IPCEF1: variants seen among roughly 807,000 people sequenced by gnomAD.
IPCEF1 encodes the protein interaction protein for cytohesin exchange factors 1.
In IPCEF1, 31 loss-of-function variants were observed where a neutral mutation model predicts 50.9. That is an observed-to-expected ratio of 0.61 (90% CI 0.46 to 0.82). IPCEF1 has a LOEUF of 0.82. Among genes scored for constraint, IPCEF1 ranks in the 40% least tolerant of loss-of-function variants. IPCEF1 has a pLI of 0.00. For synonymous variants in IPCEF1, 181 were observed against 192.0 expected (o/e 0.94, Z 0.47); for missense variants, 458 against 514.0 (o/e 0.89, Z 1.05).
At chr6:154,180,414 A>ATATTTTTTTT (rs1241250621) in intron 10 of IPCEF1, among the ~76,000 whole-genome samples, 19 of 65,254 alleles carry the variant, frequency 2.9e-4, no homozygotes, top group African/African-American at 6.2e-4. Flanking sequence ...ATATATATAT[A>ATATTTTTTTT]TTTTTTTTTT....
At chr6:154,286,562 T>C (rs1043333490) in intron 2 of IPCEF1, among the ~76,000 whole-genome samples, 2 of 152,210 alleles carry the variant, frequency 1.3e-5, no homozygotes, top group Admixed American at 1.3e-4. Context: ...TAGAAAAATA[T>C]CATAATAAGC....
intron 5 of IPCEF1, among the ~76,000 whole-genome samples, chr6:154,242,755 C>T (rs1341777198): frequency 7.9e-5 from 12 of 151,974 alleles, no homozygotes; most frequent in Non-Finnish European, 1.6e-4. Flanking sequence ...GGCATGGTGG[C>T]GCACACCTGT....
At chr6:154,241,200 C>T (rs1321769727) in intron 5 of IPCEF1, among the ~76,000 whole-genome samples, 3 of 139,880 alleles carry the variant, frequency 2.1e-5, no homozygotes, top group African/African-American at 5.5e-5. Flanking sequence ...CGCGCCACTG[C>T]ACTTCAGCCT....
chr6:154,230,665 C>A (rs923132900), intron 5 of IPCEF1, among the ~76,000 whole-genome samples: 1 of 152,044 alleles, frequency 6.6e-6, no homozygotes, highest in African/African-American at 2.4e-5. Context: ...TCATGTAGTT[C>A]CTGGTTAAAA....
intron 2 of IPCEF1, among the ~76,000 whole-genome samples, chr6:154,274,705 G>T (rs1487303544): frequency 1.3e-5 from 2 of 152,126 alleles, no homozygotes; most frequent in Non-Finnish European, 2.9e-5. Context: ...ATACCTGCAG[G>T]GGCCATTAGA....
At chr6:154,311,044 A>T (rs1178562525) in intron 1 of IPCEF1, among the ~76,000 whole-genome samples, 3 of 152,208 alleles carry the variant, frequency 2.0e-5, no homozygotes, top group Non-Finnish European at 2.9e-5. Context: ...GTTGGAAGGG[A>T]ATAAATATGC....
chr6:154,212,633 T>A, intron 9 of IPCEF1, 137 bp downstream of exon 9: 1 of 620,088 alleles, frequency 1.6e-6, no homozygotes, highest in Non-Finnish European at 2.9e-6. Flanking sequence ...CCCTGAAAAT[T>A]GCACTTGCTC....
intron 5 of IPCEF1, among the ~76,000 whole-genome samples, chr6:154,236,690 C>T (rs1422256731): frequency 6.6e-6 from 1 of 152,182 alleles, no homozygotes; most frequent in African/African-American, 2.4e-5. Context: ...TTAATGAGCA[C>T]CATCTCTTTC....
In IPCEF1 at chr6:154,210,935, G is replaced by A. The variant is rs115901605; in HGVS notation, c.537+1835C>T. On this transcript the variant is annotated intron_variant, in intron 9 of 11. Transcript: ENST00000367220. Reference sequence around the variant, plus strand: ...ACTGACAGTGTGAAAAAACAGTAGAGGTCATTATTTAAATAATCAATATAA... The same window carrying A: ...ACTGACAGTGTGAAAAAACAGTAGAAGTCATTATTTAAATAATCAATATAA... 5.7e-3 allele frequency among the ~76,000 whole-genome samples: 871 copies of A among 152,120 alleles called. 3 individuals are homozygous for A. Among genetic ancestry groups the A allele is most frequent in the African/African-American group, 0.019 (778 of 41,502 alleles).
intron 9 of IPCEF1, among the ~76,000 whole-genome samples, chr6:154,206,364 G>C (rs971798461): frequency 1.3e-5 from 2 of 152,106 alleles, no homozygotes; most frequent in African/African-American, 4.8e-5. Flanking sequence ...CATTCACATG[G>C]GGAAATATTT....
intron 10 of IPCEF1, among the ~76,000 whole-genome samples, chr6:154,177,999 TG>T (rs1800494769): frequency 6.6e-6 from 1 of 152,106 alleles, no homozygotes; most frequent in Non-Finnish European, 1.5e-5. Context: ...GGGACATGGA[TG>T]AAGCTGGAAA....
intron 3 of IPCEF1, among the ~76,000 whole-genome samples, chr6:154,258,868 T>G (rs1781524882): frequency 6.6e-6 from 1 of 152,184 alleles, no homozygotes; most frequent in South Asian, 2.1e-4. Context: ...GTCCTCAAAA[T>G]CTAGCACCTA....
At chr6:154,196,887 G>C (rs983473323) in intron 10 of IPCEF1, among the ~76,000 whole-genome samples, 1 of 152,160 alleles carries the variant, frequency 6.6e-6, no homozygotes, top group African/African-American at 2.4e-5. Flanking sequence ...ATGTCTAACA[G>C]AGTATTTAAA....
chr6:154,277,803 G>A (rs1301025601), intron 2 of IPCEF1, among the ~76,000 whole-genome samples: 1 of 152,114 alleles, frequency 6.6e-6, no homozygotes, highest in Non-Finnish European at 1.5e-5. Context: ...TTGCCTGTGA[G>A]ATTTTCCGCT....
Position 154,232,515 on chromosome 6 carries a change from G to A in IPCEF1, c.247-9272C>T, listed in dbSNP as rs2882587. Among the ~76,000 whole-genome samples, 810 of 152,284 alleles carry A rather than the reference G, an allele frequency of 5.3e-3. 5 individuals are homozygous for A. Among genetic ancestry groups the A allele is most frequent in the African/African-American group, 0.019 (772 of 41,544 alleles). On this transcript the variant is annotated intron_variant, in intron 5 of 11. Coordinates refer to ENST00000367220, the MANE Select transcript of IPCEF1 (RefSeq NM_001130700.2). Reference sequence around the variant, plus strand: ...GGTATTATACCATGGGAACCATCATGTGGTATTATTAAAGTGACAGGACTC... The same window carrying A: ...GGTATTATACCATGGGAACCATCATATGGTATTATTAAAGTGACAGGACTC...
chr6:154,351,496 C>T (rs758341976), intron 1 of IPCEF1, among the ~76,000 whole-genome samples: 2 of 152,220 alleles, frequency 1.3e-5, no homozygotes, highest in Non-Finnish European at 2.9e-5. Context: ...ACTATCTCTT[C>T]ACTAAGGAAT....
chr6:154,330,570 C>T (rs1460170709), intron 1 of IPCEF1, among the ~76,000 whole-genome samples: 1 of 151,988 alleles, frequency 6.6e-6, no homozygotes, highest in Non-Finnish European at 1.5e-5. Context: ...GCGATCCACC[C>T]GCCTCACCTC....
intron 2 of IPCEF1, among the ~76,000 whole-genome samples, chr6:154,283,653 G>A (rs1170883137): frequency 6.6e-6 from 1 of 152,160 alleles, no homozygotes; most frequent in Non-Finnish European, 1.5e-5. Context: ...AATATGTCTT[G>A]TGAAATTTCA....
chr6:154,307,596 C>A (rs11155960), intron 1 of IPCEF1, among the ~76,000 whole-genome samples: 33,805 of 152,028 alleles, frequency 0.22, 4,194 homozygotes, highest in East Asian at 0.36. Flanking sequence ...TAACCGTGGT[C>A]CAGAACTGTC....
Sources: allele counts gnomAD v4.1 joint callset (sites outside exome capture counted in the v4.1 genomes callset), GRCh38; gene constraint gnomAD v4.1.1; transcripts MANE v1.5; gene names NCBI Gene and HGNC (gene_info 2026-07-23, HGNC 2026-07-21).